CNTNAP2: variants seen among roughly 807,000 people sequenced by gnomAD.
The protein encoded by CNTNAP2 is contactin-associated protein-like 2.
A neutral mutation model predicts 155.2 loss-of-function variants in CNTNAP2; 98 were observed. The observed-to-expected ratio is 0.63, with a 90% CI of 0.54 to 0.75. The LOEUF is 0.75. Among genes scored for constraint, CNTNAP2 ranks in the 30% least tolerant of loss-of-function variants. The probability of loss-of-function intolerance (pLI) is 0.00; values close to 1 mark genes in which losing one functional copy is unlikely to be tolerated. For missense variants in CNTNAP2, 1,727 were observed against 1,688.1 expected (o/e 1.02, Z -0.40); for synonymous variants, 651 against 631.2 (o/e 1.03, Z -0.47).
intron 21 of CNTNAP2, among the ~76,000 whole-genome samples, chr7:148,323,408 G>T (rs1918298): frequency 0.5 from 71,077 of 142,418 alleles, 17,208 homozygotes; most frequent in African/African-American, 0.54. Flanking sequence ...CGTATTTTGT[G>T]CATGATTCTA....
intron 11 of CNTNAP2, among the ~76,000 whole-genome samples, chr7:147,527,628 A>T (rs1369178728): frequency 2.0e-5 from 3 of 152,244 alleles, no homozygotes; most frequent in Non-Finnish European, 4.4e-5. Context: ...CACATTACAT[A>T]GCAGAATTTA....
chr7:146,464,130 T>G (rs1796679783), intron 1 of CNTNAP2, among the ~76,000 whole-genome samples: 1 of 151,934 alleles, frequency 6.6e-6, no homozygotes, highest in African/African-American at 2.4e-5. Flanking sequence ...AACAGTTCGT[T>G]AATGAACCAT....
chr7:146,551,536 C>T (rs1247950669), intron 1 of CNTNAP2, among the ~76,000 whole-genome samples: 1 of 151,878 alleles, frequency 6.6e-6, no homozygotes, highest in African/African-American at 2.4e-5. Flanking sequence ...TCCAGTCTAT[C>T]ATTGTTGGAC....
At chr7:148,163,237 G>A (rs1010307419) in intron 17 of CNTNAP2, among the ~76,000 whole-genome samples, 1 of 152,088 alleles carries the variant, frequency 6.6e-6, no homozygotes, top group Admixed American at 6.6e-5. Context: ...CTACTTACTG[G>A]CTATATGACA....
intron 14 of CNTNAP2, among the ~76,000 whole-genome samples, chr7:147,928,138 G>A (rs1477068099): frequency 6.6e-6 from 1 of 152,114 alleles, no homozygotes; most frequent in Non-Finnish European, 1.5e-5. Context: ...CATGTAAGAT[G>A]TGCCTTTCAC....
intron 9 of CNTNAP2, among the ~76,000 whole-genome samples, chr7:147,313,298 T>G (rs1436338303): frequency 2.0e-5 from 3 of 151,550 alleles, no homozygotes; most frequent in Non-Finnish European, 4.4e-5. Flanking sequence ...TGGCTTTTGT[T>G]GCCATTGCTT....
intron 1 of CNTNAP2, among the ~76,000 whole-genome samples, chr7:146,473,638 A>G (rs1393555842): frequency 6.6e-6 from 1 of 152,200 alleles, no homozygotes; most frequent in Non-Finnish European, 1.5e-5. Flanking sequence ...AACTATTTTT[A>G]TCACAGTCTA....
intron 4 of CNTNAP2, chr7:147,097,311 A>C (rs992320100): frequency 1.3e-5 from 2 of 152,238 alleles, no homozygotes; most frequent in South Asian, 4.1e-4. Context: ...GTTCATGTAC[A>C]TATGTGTGGA....
At chr7:148,381,212 A>G (rs1730414) in intron 21 of CNTNAP2, among the ~76,000 whole-genome samples, 149,531 of 152,344 alleles carry the variant, frequency 0.98, 73,420 homozygotes, top group East Asian at 1. Flanking sequence ...GTCCCCAGAC[A>G]GCCTAAGTAT....
chr7:146,831,741 G>C (rs796193392), intron 2 of CNTNAP2, among the ~76,000 whole-genome samples: 6 of 148,224 alleles, frequency 4.0e-5, no homozygotes, highest in African/African-American at 1.2e-4. Flanking sequence ...TAGCTTGTCT[G>C]AGGAGGTATT....
At chr7:147,133,631 T>A (rs1359296004) in intron 8 of CNTNAP2, among the ~76,000 whole-genome samples, 1 of 152,048 alleles carries the variant, frequency 6.6e-6, no homozygotes, top group Non-Finnish European at 1.5e-5. Context: ...CTCCAATATT[T>A]GTTGAATTCA....
chr7:146,619,489 T>C (rs1357604358), intron 1 of CNTNAP2, among the ~76,000 whole-genome samples: 1 of 152,204 alleles, frequency 6.6e-6, no homozygotes, highest in Non-Finnish European at 1.5e-5. Context: ...GTAAAAGTAG[T>C]CTATTCAATC....
chr7:148,409,817 C>T (rs1224184394), intron 23 of CNTNAP2, among the ~76,000 whole-genome samples: 2,360 of 47,468 alleles, frequency 0.05, 112 homozygotes, highest in African/African-American at 0.067. Flanking sequence ...TTTGGGAGGC[C>T]GAGGCGGGCG....
chr7:146,985,492 T>TC (rs1456288779), intron 3 of CNTNAP2, among the ~76,000 whole-genome samples: 1 of 151,692 alleles, frequency 6.6e-6, no homozygotes, highest in Non-Finnish European at 1.5e-5. Context: ...TAATTTTTTT[T>TC]TGTATTTTTA....
At chr7:146,898,810 G>A (rs1795933718) in intron 3 of CNTNAP2, among the ~76,000 whole-genome samples, 2 of 151,958 alleles carry the variant, frequency 1.3e-5, no homozygotes, top group South Asian at 4.1e-4. Flanking sequence ...GACTCTTGCA[G>A]GTGTAGACCT....
chr7:147,483,434 A>G, intron 10 of CNTNAP2, among the ~76,000 whole-genome samples: 1 of 152,080 alleles, frequency 6.6e-6, no homozygotes, highest in East Asian at 1.9e-4. Flanking sequence ...ATCTCACTTG[A>G]TGGATATATC....
intron 1 of CNTNAP2, among the ~76,000 whole-genome samples, chr7:146,230,356 C>T (rs1799363733): frequency 6.6e-6 from 1 of 152,154 alleles, no homozygotes; most frequent in Admixed American, 6.5e-5. Flanking sequence ...ACAAGCACTT[C>T]CTTCACTGAA....
chr7:146,485,707 C>T (rs1797044744), intron 1 of CNTNAP2, among the ~76,000 whole-genome samples: 1 of 152,084 alleles, frequency 6.6e-6, no homozygotes. Context: ...ACTGCAGCCT[C>T]CACCTCGACA....
At chr7:146,506,310 AT>A (rs1253149793) in intron 1 of CNTNAP2, among the ~76,000 whole-genome samples, 1 of 152,174 alleles carries the variant, frequency 6.6e-6, no homozygotes, top group Non-Finnish European at 1.5e-5. Flanking sequence ...GTTGTGTAAC[AT>A]TGGGCAGCTG....
Sources: gnomAD v4.1 joint callset for allele counts (sites outside exome capture counted in the v4.1 genomes callset) on GRCh38, gnomAD v4.1.1 for gene constraint, MANE v1.5 for transcripts, NCBI Gene and HGNC (gene_info 2026-07-23, HGNC 2026-07-21) for gene names.